EIF2AK4: variants seen among roughly 807,000 people sequenced by gnomAD.
EIF2AK4 encodes eukaryotic translation initiation factor 2 alpha kinase 4.
Under a neutral mutation model 211.1 loss-of-function variants are expected in EIF2AK4, and 139 were observed. The ratio of observed to expected loss-of-function variants is 0.66; its 90% CI spans 0.57 to 0.76. The LOEUF is 0.76. Among genes scored for constraint, EIF2AK4 ranks in the 30% least tolerant of loss-of-function variants. EIF2AK4 has a pLI of 0.00. For synonymous variants in EIF2AK4, 710 were observed against 751.3 expected, an observed-to-expected ratio of 0.94 and a Z score of 0.90; for missense variants, 1,664 against 2,043.8, an observed-to-expected ratio of 0.81 and a Z score of 3.58.
intron 9 of EIF2AK4, among the ~76,000 whole-genome samples, chr15:39,970,084 G>T (rs1452041333): frequency 1.3e-5 from 2 of 152,200 alleles, no homozygotes; most frequent in African/African-American, 4.8e-5. Flanking sequence ...GCCATAAAGT[G>T]CCTGGCACTT....
At chr15:40,016,230 G>A (rs2035301113) in intron 27 of EIF2AK4, among the ~76,000 whole-genome samples, 1 of 152,250 alleles carries the variant, frequency 6.6e-6, no homozygotes, top group African/African-American at 2.4e-5. Context: ...GCCAGGGTCT[G>A]CTTTGCTGGG....
At position 40,002,467 on chromosome 15, in the gene EIF2AK4, G is replaced by A. The variant is rs1453553727; in HGVS notation, c.3160-246G>A. 1.4e-5 allele frequency: 6 copies of A among 440,412 alleles called. No individual in the cohort carries two copies. The East Asian group carries it at 2.3e-4, about 17-fold the overall frequency. 27.3% of individuals were successfully genotyped at this position (440,412 alleles called of 1,614,324 possible). A position where few individuals can be genotyped will look rare whatever the true frequency, so the allele number is the denominator to read the frequency against. On this transcript the variant is annotated intron_variant, in intron 21 of 38. Transcript: ENST00000263791. ...GAAAGGCAAATATCAATGTGGCCAA[G>A]AATTTGGACTTTGAACCCAGGCATC...
rs2035026218 is a variant in EIF2AK4, at chr15:39,996,946, A to ATT, written c.2767-17_2767-16dup. ...TTCATATCAAGGCTCTCTAAATGCA[A>ATT]TTATTCTTCCCCCTCAGAAAGTGGA... On this transcript the variant is annotated splice_polypyrimidine_tract_variant and intron_variant, in intron 18 of 38. Coordinates refer to ENST00000263791, the MANE Select transcript of EIF2AK4 (RefSeq NM_001013703.4). The ATT allele has an allele frequency of 6.5e-7, 1 of 1,542,384 alleles. No homozygotes were observed. Among genetic ancestry groups the ATT allele is most frequent in the African/African-American group, 1.4e-5 (1 of 73,366 alleles).
chr15:40,018,958 C>T (rs1275040715), intron 29 of EIF2AK4, 135 bp from the exon 30 acceptor site: 3 of 671,308 alleles, frequency 4.5e-6, no homozygotes, highest in African/African-American at 1.8e-5. Flanking sequence ...TATTTTACTA[C>T]ACACACACAT....
chr15:39,949,066 G>T (rs1047232419), intron 3 of EIF2AK4, 50 bp from the exon 4 acceptor site: 2 of 1,596,752 alleles, frequency 1.3e-6, no homozygotes, highest in African/African-American at 2.7e-5. Flanking sequence ...TCCTGTTTGG[G>T]CCTTCCCATT....
chr15:40,007,953 C>T, intron 24 of EIF2AK4, 74 bp from the exon 25 acceptor site: 1 of 1,191,832 alleles, frequency 8.4e-7, no homozygotes, highest in Non-Finnish European at 1.1e-6. Flanking sequence ...TTTCTTATAT[C>T]TTGTTCAACA....
chr15:39,951,350 C>A, intron 4 of EIF2AK4: 1 of 206,068 alleles, frequency 4.9e-6, no homozygotes, highest in Non-Finnish European at 1.0e-5. Context: ...GCCACCACGC[C>A]CGACCCACAG....
intron 9 of EIF2AK4, among the ~76,000 whole-genome samples, chr15:39,970,574 A>G (rs1243123293): frequency 6.6e-6 from 1 of 152,220 alleles, no homozygotes; most frequent in Non-Finnish European, 1.5e-5. Context: ...TCCAAGACAC[A>G]TGGTGGAATG....
At chr15:39,999,885 C>G (rs767297115) in intron 20 of EIF2AK4, among the ~76,000 whole-genome samples, 5 of 152,118 alleles carry the variant, frequency 3.3e-5, no homozygotes, top group Admixed American at 6.5e-5. Flanking sequence ...GGCCCAGGAA[C>G]TATACAAACC....
At chr15:39,939,769 G>C (rs56103235) in intron 2 of EIF2AK4, 152 bp downstream of exon 2, 2 of 558,406 alleles carry the variant, frequency 3.6e-6, no homozygotes, top group Non-Finnish European at 6.0e-6. Context: ...ATCAGCAATA[G>C]ATGTTTTCAT....
intron 20 of EIF2AK4, 87 bp from the exon 21 acceptor site, chr15:40,000,901 G>T: frequency 7.4e-7 from 1 of 1,344,248 alleles, no homozygotes; most frequent in Non-Finnish European, 1.1e-6. Flanking sequence ...CCTTTTCTTT[G>T]ACCTGAACTG....
At chr15:39,986,787 G>A (rs1257160872) in intron 14 of EIF2AK4, among the ~76,000 whole-genome samples, 3 of 152,146 alleles carry the variant, frequency 2.0e-5, no homozygotes, top group Non-Finnish European at 2.9e-5. Flanking sequence ...CCCAGGAAGC[G>A]GAGGTTGCAG....
chr15:39,997,059 C>CA lies in EIF2AK4; in HGVS notation c.2863dup (p.Arg955LysfsTer7). 4 of 1,610,076 alleles carry CA rather than the reference C, an allele frequency of 2.5e-6. No individual in the cohort carries two copies. In the South Asian group the frequency reaches 4.4e-5, roughly 18 times the overall value. The stretch of plus-strand genomic sequence containing the variant: ...AAAGGATCTTTGTTCTCAACCAACT[C>CA]AGAGATGTATGTATCAGGTGTTTTA... On this transcript the variant is annotated frameshift_variant, in exon 19 of 39. Coordinates refer to ENST00000263791, the MANE Select transcript of EIF2AK4 (RefSeq NM_001013703.4). LOFTEE classifies it high-confidence loss of function.
chr15:39,989,026 A>G (rs1255598869), intron 15 of EIF2AK4, among the ~76,000 whole-genome samples: 1 of 152,164 alleles, frequency 6.6e-6, no homozygotes, highest in African/African-American at 2.4e-5. Flanking sequence ...AGAATTAAGC[A>G]AGGATGTGAT....
intron 37 of EIF2AK4, among the ~76,000 whole-genome samples, chr15:40,033,796 G>A (rs1017950514): frequency 3.3e-5 from 5 of 152,156 alleles, no homozygotes; most frequent in African/African-American, 1.2e-4. Context: ...GGAGGCCGAC[G>A]TGGGTGGATC....
Position 39,934,151 on chromosome 15 carries a change from A to T in EIF2AK4, c.-45A>T. Reference sequence around the variant, plus strand: ...CCGCCCCGCAGGCTGCCGGGGGCCCACCGCCGCCCAGGCAAGGCCGCCCTG... The same window carrying T: ...CCGCCCCGCAGGCTGCCGGGGGCCCTCCGCCGCCCAGGCAAGGCCGCCCTG... On this transcript the variant is annotated 5_prime_UTR_variant, in exon 1 of 39. Coordinates refer to ENST00000263791, the MANE Select transcript of EIF2AK4 (RefSeq NM_001013703.4). The T allele has an allele frequency of 7.9e-7, 1 of 1,269,636 alleles. No individual in the cohort carries two copies. The highest frequency in any genetic ancestry group is 9.9e-7 in the Non-Finnish European group (1 of 1,013,326). 78.6% of individuals were successfully genotyped at this position (1,269,636 alleles called of 1,614,324 possible).
chr15:39,941,821 A>G (rs533141108), intron 2 of EIF2AK4, among the ~76,000 whole-genome samples: 14 of 152,194 alleles, frequency 9.2e-5, no homozygotes, highest in Admixed American at 2.0e-4. Flanking sequence ...AAAAGTCTCC[A>G]GATGTTGGCA....
intron 35 of EIF2AK4, among the ~76,000 whole-genome samples, chr15:40,030,928 T>C (rs569505766): frequency 6.6e-6 from 1 of 152,302 alleles, no homozygotes; most frequent in South Asian, 2.1e-4. Flanking sequence ...ATATGCATTA[T>C]ATAGAGAATA....
chr15:39,983,927 A>G (rs1272507070), intron 13 of EIF2AK4, among the ~76,000 whole-genome samples: 1 of 152,162 alleles, frequency 6.6e-6, no homozygotes, highest in East Asian at 1.9e-4. Context: ...GTCTTTTCCC[A>G]TGCCTGTGTC....
Sources: allele counts gnomAD v4.1 joint callset (sites outside exome capture counted in the v4.1 genomes callset), GRCh38; gene constraint gnomAD v4.1.1; transcripts MANE v1.5; gene names NCBI Gene and HGNC (gene_info 2026-07-23, HGNC 2026-07-21).